ATAD2B: variants seen among roughly 807,000 people sequenced by gnomAD.
The protein encoded by ATAD2B is ATPase family AAA domain containing 2B, also known as ATPase family AAA domain-containing protein 2B.
A neutral mutation model predicts 167.6 loss-of-function variants in ATAD2B; 40 were observed. The ratio of observed to expected loss-of-function variants is 0.24; its 90% CI spans 0.19 to 0.31. ATAD2B has a LOEUF of 0.31. Among genes scored for constraint, ATAD2B ranks in the 10% least tolerant of loss-of-function variants. The pLI, the probability that ATAD2B is intolerant of heterozygous loss-of-function variation, is 1.00. For missense variants in ATAD2B, 1,242 were observed against 1,757.2 expected (o/e 0.71, Z 5.24); for synonymous variants, 579 against 596.5 (o/e 0.97, Z 0.43).
At chr2:23,780,333 GCAAA>G (rs199513724) in intron 22 of ATAD2B, among the ~76,000 whole-genome samples, 2,409 of 147,720 alleles carry the variant, frequency 0.016, 19 homozygotes, top group Non-Finnish European at 0.024. Context: ...AAGAGGTAAA[GCAAA>G]CAAACAGCAA....
intron 13 of ATAD2B, among the ~76,000 whole-genome samples, chr2:23,854,088 T>C (rs970138930): frequency 1.3e-5 from 2 of 150,250 alleles, no homozygotes; most frequent in African/African-American, 4.9e-5. Flanking sequence ...CTACTAATAA[T>C]ACAAAAATTC....
intron 17 of ATAD2B, chr2:23,811,271 A>G (rs893402982): frequency 4.6e-5 from 7 of 152,232 alleles, no homozygotes; most frequent in African/African-American, 1.7e-4. Context: ...GAGGTGATTA[A>G]GTCATGAGCA....
At chr2:23,834,902 T>G (rs964681353) in intron 13 of ATAD2B, among the ~76,000 whole-genome samples, 1 of 152,064 alleles carries the variant, frequency 6.6e-6, no homozygotes, top group African/African-American at 2.4e-5. Context: ...ACGAAAAATA[T>G]TTTTAAAAAA....
chr2:23,882,502 TAAAAAAAAAAAAAA>T (rs770725105), intron 6 of ATAD2B, among the ~76,000 whole-genome samples: 2 of 92,234 alleles, frequency 2.2e-5, no homozygotes, highest in Non-Finnish European at 4.3e-5. Context: ...AGCCTCTATT[TAAAAAAAAAAAAAA>T]AAAAAAAAAA....
chr2:23,860,563 T>G (rs1045893895), intron 12 of ATAD2B, among the ~76,000 whole-genome samples: 1 of 152,222 alleles, frequency 6.6e-6, no homozygotes, highest in African/African-American at 2.4e-5. Context: ...GTTTCAAAAT[T>G]AAAGGAAACT....
intron 13 of ATAD2B, among the ~76,000 whole-genome samples, chr2:23,837,485 G>A (rs1003426906): frequency 5.9e-5 from 9 of 152,168 alleles, no homozygotes; most frequent in Admixed American, 3.9e-4. Flanking sequence ...CAACTTGGGC[G>A]GCTGCAGCTG....
the ATAD2B span, among the ~76,000 whole-genome samples, chr2:23,678,819 A>G: frequency 2.4e-4 from 37 of 152,226 alleles, no homozygotes; most frequent in Admixed American, 3.9e-4. Context: ...TCACAGGACA[A>G]ATATTGCATA....
In ATAD2B at chr2:23,751,936, A is replaced by T; in HGVS notation, c.*110T>A. 1 of 861,938 alleles carries T rather than the reference A, an allele frequency of 1.2e-6. No individual in the cohort carries two copies. 53.4% of individuals were successfully genotyped at this position (861,938 alleles called of 1,614,324 possible). A position where few individuals can be genotyped will look rare whatever the true frequency, so the allele number is the denominator to read the frequency against. ...AGAGAGAAAGAATGAGTGAGAGAGC[A>T]CTTTACACCAAGGCTCTGCACATAA... On this transcript the variant is annotated 3_prime_UTR_variant, in exon 28 of 28. Transcript: ENST00000238789.
At chr2:23,925,450 TAGAACATAAAATA>T (rs1704595772) in intron 1 of ATAD2B, among the ~76,000 whole-genome samples, 1 of 152,222 alleles carries the variant, frequency 6.6e-6, no homozygotes, top group Non-Finnish European at 1.5e-5. Context: ...TGTAGACCCC[TAGAACATAAAATA>T]TTGCTTTCCC....
chr2:23,873,919 G>A (rs1696386027), intron 8 of ATAD2B, among the ~76,000 whole-genome samples: 1 of 152,228 alleles, frequency 6.6e-6, no homozygotes, highest in Admixed American at 6.5e-5. Context: ...GGGCATGGTG[G>A]CTCATGCCTG....
intron 12 of ATAD2B, among the ~76,000 whole-genome samples, chr2:23,858,373 G>A (rs928077239): frequency 5.9e-5 from 9 of 151,762 alleles, no homozygotes; most frequent in Admixed American, 2.0e-4. Context: ...CACCCACCTC[G>A]GCCTCCCAAA....
chr2:23,779,965 C>T (rs1460604887), intron 22 of ATAD2B, among the ~76,000 whole-genome samples: 1 of 152,116 alleles, frequency 6.6e-6, no homozygotes, highest in African/African-American at 2.4e-5. Context: ...TATATATAAG[C>T]TGGGTGCACT....
At chr2:23,803,675 G>A (rs536809885) in intron 18 of ATAD2B, among the ~76,000 whole-genome samples, 5 of 152,118 alleles carry the variant, frequency 3.3e-5, no homozygotes, top group African/African-American at 9.7e-5. Context: ...AGCTGAATCC[G>A]TCAGAAGGAG....
the ATAD2B span, among the ~76,000 whole-genome samples, chr2:23,701,523 G>A: frequency 6.6e-6 from 1 of 152,156 alleles, no homozygotes; most frequent in African/African-American, 2.4e-5. Flanking sequence ...GACCAGCCTG[G>A]GCAACATAGG....
At chr2:23,784,533 C>T (rs998469133) in intron 21 of ATAD2B, among the ~76,000 whole-genome samples, 1 of 152,072 alleles carries the variant, frequency 6.6e-6, no homozygotes, top group East Asian at 1.9e-4. Flanking sequence ...TTACAGATGG[C>T]ATTTGAAAAT....
intron 8 of ATAD2B, among the ~76,000 whole-genome samples, chr2:23,875,055 C>A (rs1474069486): frequency 0.016 from 2,060 of 126,948 alleles, no homozygotes; most frequent in Admixed American, 0.017. Context: ...GATTCCATCT[C>A]AAAAAAAAAA....
Position 23,869,651 on chromosome 2 carries a change from A to T in ATAD2B, c.1076+12T>A. 1 of 1,534,866 alleles carries T rather than the reference A, an allele frequency of 6.5e-7. No homozygotes were observed. The highest frequency in any genetic ancestry group is 8.8e-7 in the Non-Finnish European group (1 of 1,130,458). On this transcript the variant is annotated intron_variant, in intron 9 of 27. Coordinates refer to ENST00000238789, the MANE Select transcript of ATAD2B (RefSeq NM_017552.4). ...TTTCTACCATGGAAATAACATTACA[A>T]ATTTTACTAACCTATTTCTTGCTCT...
intron 25 of ATAD2B, among the ~76,000 whole-genome samples, chr2:23,755,363 A>C (rs1206796599): frequency 6.6e-6 from 1 of 152,156 alleles, no homozygotes. Context: ...CCTTAGAGTA[A>C]ATTAGTGTAA....
At chr2:23,852,580 T>C (rs752265149) in intron 13 of ATAD2B, among the ~76,000 whole-genome samples, 8 of 152,166 alleles carry the variant, frequency 5.3e-5, no homozygotes, top group Non-Finnish European at 1.0e-4. Context: ...GACAATATAT[T>C]ATGAGCAAGT....
Sources: allele counts gnomAD v4.1 joint callset (sites outside exome capture counted in the v4.1 genomes callset), GRCh38; gene constraint gnomAD v4.1.1; transcripts MANE v1.5; gene names NCBI Gene and HGNC (gene_info 2026-07-23, HGNC 2026-07-21).